The following NYAP2 variants were observed in gnomAD, a reference collection of about 807,000 sequenced individuals.
NYAP2 encodes neuronal tyrosine-phosphorylated phosphoinositide-3-kinase adaptor 2.
Under a neutral mutation model 50.4 loss-of-function variants are expected in NYAP2, and 23 were observed. The ratio of observed to expected loss-of-function variants is 0.46; its 90% CI spans 0.33 to 0.65. NYAP2 has a LOEUF of 0.65. Among genes scored for constraint, NYAP2 ranks in the 30% least tolerant of loss-of-function variants. The pLI is 0.02. For synonymous variants in NYAP2, 394 were observed against 365.2 expected, an observed-to-expected ratio of 1.08 and a Z score of -0.90; for missense variants, 885 against 861.0, an observed-to-expected ratio of 1.03 and a Z score of -0.35.
chr2:225,472,962 G>A (rs1007733064), intron 3 of NYAP2, among the ~76,000 whole-genome samples: 39 of 151,902 alleles, frequency 2.6e-4, no homozygotes, highest in African/African-American at 8.9e-4. Flanking sequence ...TCCCCACTCC[G>A]CTTACCCCAC....
intron 3 of NYAP2, among the ~76,000 whole-genome samples, chr2:225,442,859 G>C (rs1005997097): frequency 2.0e-5 from 3 of 152,160 alleles, no homozygotes; most frequent in Admixed American, 1.3e-4. Flanking sequence ...TTATGGGCGT[G>C]CGCCACCGTG....
chr2:225,517,771 TA>T (rs1690961794), intron 4 of NYAP2, among the ~76,000 whole-genome samples: 1 of 152,120 alleles, frequency 6.6e-6, no homozygotes, highest in Admixed American at 6.6e-5. Context: ...AAAGAAAAGA[TA>T]TGCACACCCA....
intron 3 of NYAP2, among the ~76,000 whole-genome samples, chr2:225,470,563 C>G (rs1239147065): frequency 6.6e-6 from 1 of 152,030 alleles, no homozygotes; most frequent in African/African-American, 2.4e-5. Context: ...GGGTAAAAAG[C>G]AATTGGAATA....
At chr2:225,477,138 G>C (rs1359082427) in intron 3 of NYAP2, among the ~76,000 whole-genome samples, 1 of 151,538 alleles carries the variant, frequency 6.6e-6, no homozygotes, top group Non-Finnish European at 1.5e-5. Context: ...TACCTCTGTA[G>C]CAGTGCTTCT....
At chr2:225,455,098 AC>A in intron 3 of NYAP2, among the ~76,000 whole-genome samples, 1 of 152,118 alleles carries the variant, frequency 6.6e-6, no homozygotes, top group Non-Finnish European at 1.5e-5. Context: ...AAGGCAAAAA[AC>A]AAAACAAAAC....
chr2:225,642,338 C>T (rs1693547686), intron 6 of NYAP2, among the ~76,000 whole-genome samples: 1 of 152,090 alleles, frequency 6.6e-6, no homozygotes, highest in African/African-American at 2.4e-5. Flanking sequence ...TAATAAAAAC[C>T]ACTAACATTT....
At chr2:225,638,260 A>G (rs138896468) in intron 6 of NYAP2, among the ~76,000 whole-genome samples, 1 of 151,780 alleles carries the variant, frequency 6.6e-6, no homozygotes, top group East Asian at 1.9e-4. Flanking sequence ...TCCATCCAAT[A>G]GAAGAGGGGT....
chr2:225,503,363 G>A (rs907927075), intron 3 of NYAP2, among the ~76,000 whole-genome samples: 5 of 152,158 alleles, frequency 3.3e-5, no homozygotes, highest in African/African-American at 1.2e-4. Flanking sequence ...AGAAGTAGAA[G>A]AGTCTTATGT....
At chr2:225,589,965 A>C (rs1692468326) in intron 5 of NYAP2, among the ~76,000 whole-genome samples, 1 of 152,104 alleles carries the variant, frequency 6.6e-6, no homozygotes, top group Non-Finnish European at 1.5e-5. Context: ...AACTTGGAGC[A>C]ACCTGACCGG....
the NYAP2 span, among the ~76,000 whole-genome samples, chr2:225,670,954 C>T: frequency 1.3e-5 from 2 of 152,046 alleles, no homozygotes; most frequent in Admixed American, 6.6e-5. Context: ...TACTTCATTG[C>T]TAAAAATGCT....
Position 225,536,717 on chromosome 2 carries a change from T to C in NYAP2, c.523+23045T>C, listed in dbSNP as rs1691357301. 1.3e-5 allele frequency among the ~76,000 whole-genome samples: 2 copies of C among 152,106 alleles called. 1 individual carries two copies. Among genetic ancestry groups the C allele is most frequent in the South Asian group, 4.1e-4 (2 of 4,824 alleles). On this transcript the variant is annotated intron_variant, in intron 4 of 6. Coordinates refer to ENST00000636099, the Ensembl canonical transcript of NYAP2. ...GTTTTTTTTAAATGTACTATTATTA[T>C]TGACTATAGTCATCCTATTATGCTG... is the stretch of plus-strand genomic sequence containing the variant.
chr2:225,421,111 A>G (rs1695208506), intron 3 of NYAP2, among the ~76,000 whole-genome samples: 1 of 150,946 alleles, frequency 6.6e-6, no homozygotes, highest in Non-Finnish European at 1.5e-5. Context: ...GGATCTCACT[A>G]TGTTGCCCAG....
chr2:225,476,939 C>T (rs1690124003), intron 3 of NYAP2, among the ~76,000 whole-genome samples: 1 of 152,076 alleles, frequency 6.6e-6, no homozygotes, highest in Non-Finnish European at 1.5e-5. Context: ...ACAACTGTCT[C>T]ATAAATTTTC....
At chr2:225,477,062 A>G (rs1026845867) in intron 3 of NYAP2, among the ~76,000 whole-genome samples, 1 of 152,128 alleles carries the variant, frequency 6.6e-6, no homozygotes, top group Non-Finnish European at 1.5e-5. Context: ...TGCCCCACAT[A>G]TATGTAGTAC....
intron 6 of NYAP2, among the ~76,000 whole-genome samples, chr2:225,645,900 A>G (rs199591170): frequency 4.2e-4 from 12 of 28,322 alleles, no homozygotes; most frequent in Non-Finnish European, 7.6e-4. Context: ...AGATGCACAG[A>G]TCCTAAAGGA....
At chr2:225,655,570 T>G (rs894039115), downstream of NYAP2, among the ~76,000 whole-genome samples, 2 of 152,188 alleles carry the variant, frequency 1.3e-5, no homozygotes, top group Non-Finnish European at 1.5e-5. Flanking sequence ...TAGAAAGCCA[T>G]GTACTCAGAA....
At chr2:225,622,079 T>G (rs1304601062) in intron 5 of NYAP2, among the ~76,000 whole-genome samples, 1 of 152,220 alleles carries the variant, frequency 6.6e-6, no homozygotes, top group Non-Finnish European at 1.5e-5. Context: ...TTGCCCAGCC[T>G]GGATTGCAGT....
chr2:225,639,055 A>G (rs946753065), intron 6 of NYAP2, among the ~76,000 whole-genome samples: 2 of 55,178 alleles, frequency 3.6e-5, no homozygotes, highest in Non-Finnish European at 6.7e-5. Context: ...ATTTTTAATC[A>G]TCAAAGTGAA....
chr2:225,439,305 T>C (rs1430615265), intron 3 of NYAP2, among the ~76,000 whole-genome samples: 1 of 152,170 alleles, frequency 6.6e-6, no homozygotes, highest in Admixed American at 6.5e-5. Flanking sequence ...GATGGCCTCA[T>C]AGTTAGGGAA....
Sources: allele counts gnomAD v4.1 joint callset (sites outside exome capture counted in the v4.1 genomes callset), GRCh38; gene constraint gnomAD v4.1.1; transcripts MANE v1.5; gene names NCBI Gene and HGNC (gene_info 2026-07-23, HGNC 2026-07-21).